The following ZFAT variants were observed in gnomAD, a reference collection of about 807,000 sequenced individuals.
ZFAT encodes zinc finger and AT-hook domain containing.
In ZFAT, 64 loss-of-function variants were observed where a neutral mutation model predicts 117.7. That is an observed-to-expected ratio of 0.54 (90% CI 0.44 to 0.67). The LOEUF (loss-of-function observed/expected upper bound fraction) is 0.67. Ranked by LOEUF, ZFAT falls within the 30% of genes least tolerant of loss-of-function variation. The probability of loss-of-function intolerance (pLI) is 0.00; values close to 1 mark genes in which losing one functional copy is unlikely to be tolerated. For synonymous variants in ZFAT, 679 were observed against 615.0 expected (o/e 1.10, Z -1.54); for missense variants, 1,433 against 1,584.5 (o/e 0.90, Z 1.62).
At chr8:134,570,306 T>A (rs1824798100) in intron 10 of ZFAT, among the ~76,000 whole-genome samples, 1 of 152,254 alleles carries the variant, frequency 6.6e-6, no homozygotes, top group Non-Finnish European at 1.5e-5. Context: ...AGCCTATATT[T>A]TCATACTGAA....
At chr8:134,615,954 T>A (rs1828699506) in intron 3 of ZFAT, among the ~76,000 whole-genome samples, 1 of 152,192 alleles carries the variant, frequency 6.6e-6, no homozygotes, top group African/African-American at 2.4e-5. Context: ...AGAACACGCA[T>A]GCTCGCTCAG....
At chr8:134,625,733 A>C (rs933511130) in intron 3 of ZFAT, among the ~76,000 whole-genome samples, 2 of 152,234 alleles carry the variant, frequency 1.3e-5, no homozygotes, top group Non-Finnish European at 2.9e-5. Context: ...GACTTTAGCC[A>C]ATCTCCCTGT....
intron 15 of ZFAT, among the ~76,000 whole-genome samples, chr8:134,484,752 A>G (rs1817552383): frequency 6.6e-6 from 1 of 152,214 alleles, no homozygotes; most frequent in Non-Finnish European, 1.5e-5. Flanking sequence ...GGCGAACGCC[A>G]AGTAGATTTT....
the ZFAT span, among the ~76,000 whole-genome samples, chr8:134,760,055 C>G: frequency 6.8e-6 from 1 of 147,654 alleles, no homozygotes; most frequent in Non-Finnish European, 1.5e-5. Context: ...CCAAGGCGGG[C>G]GGATCACAAG....
the ZFAT span, among the ~76,000 whole-genome samples, chr8:134,802,320 C>G: frequency 3.3e-5 from 5 of 152,238 alleles, no homozygotes; most frequent in East Asian, 5.8e-4. Flanking sequence ...GCACACACAG[C>G]AAATAATGCA....
the ZFAT span, among the ~76,000 whole-genome samples, chr8:134,806,578 T>C: frequency 2.7e-4 from 41 of 152,316 alleles, no homozygotes; most frequent in Non-Finnish European, 4.9e-4. Context: ...ATAAACCAGT[T>C]ACCACAAGTC....
intron 1 of ZFAT, among the ~76,000 whole-genome samples, chr8:134,677,140 T>A (rs966441576): frequency 1.3e-5 from 2 of 149,668 alleles, no homozygotes; most frequent in Non-Finnish European, 3.0e-5. Context: ...TTCAAAAAAA[T>A]CAATGAATCC....
intron 1 of ZFAT, among the ~76,000 whole-genome samples, chr8:134,674,536 G>A (rs1242187388): frequency 6.6e-6 from 1 of 152,222 alleles, no homozygotes; most frequent in East Asian, 1.9e-4. Flanking sequence ...AGCACCTGTG[G>A]GAAGGGGCAG....
chr8:134,623,323 C>A (rs2131031067), intron 3 of ZFAT, among the ~76,000 whole-genome samples: 3 of 152,346 alleles, frequency 2.0e-5, no homozygotes, highest in Middle Eastern at 6.8e-3. Context: ...CCTGTGGGGG[C>A]CTCAGGAGGC....
chr8:134,571,238 G>C (rs1396944755), intron 10 of ZFAT, among the ~76,000 whole-genome samples: 3 of 152,234 alleles, frequency 2.0e-5, no homozygotes, highest in African/African-American at 7.2e-5. Context: ...TGGAGCATGA[G>C]GGAGTGTGGA....
intron 12 of ZFAT, among the ~76,000 whole-genome samples, chr8:134,530,677 C>A (rs1821339182): frequency 6.6e-6 from 1 of 151,826 alleles, no homozygotes; most frequent in African/African-American, 2.4e-5. Flanking sequence ...AATGCTACAT[C>A]TATATATATA....
chr8:134,641,158 A>G (rs1830556784), intron 2 of ZFAT, among the ~76,000 whole-genome samples: 1 of 151,900 alleles, frequency 6.6e-6, no homozygotes, highest in Non-Finnish European at 1.5e-5. Context: ...GTTCTGGATG[A>G]TTTTGCCCAC....
intron 15 of ZFAT, among the ~76,000 whole-genome samples, chr8:134,494,275 C>T (rs1197250037): frequency 6.6e-6 from 1 of 152,256 alleles, no homozygotes; most frequent in Non-Finnish European, 1.5e-5. Flanking sequence ...TTCCTTTGTA[C>T]ATTTCCACCT....
At chr8:134,711,671 G>C (rs2131373320) in intron 1 of ZFAT, among the ~76,000 whole-genome samples, 1 of 152,226 alleles carries the variant, frequency 6.6e-6, no homozygotes, top group South Asian at 2.1e-4. Context: ...ATATAGTTCG[G>C]GTCTCCTGAC....
At chr8:134,795,522 G>C in the ZFAT span, 1 of 152,204 alleles carries the variant, frequency 6.6e-6, no homozygotes, top group South Asian at 2.1e-4. Context: ...AAAACTCAAA[G>C]AGCCGATAGA....
the ZFAT span, among the ~76,000 whole-genome samples, chr8:134,831,128 C>T: frequency 2.0e-5 from 3 of 152,216 alleles, no homozygotes; most frequent in Admixed American, 6.5e-5. Flanking sequence ...ACTGCTTGGG[C>T]ATATCAAGTA....
At chr8:134,612,991 A>G (rs547364819) in intron 3 of ZFAT, among the ~76,000 whole-genome samples, 2 of 152,352 alleles carry the variant, frequency 1.3e-5, no homozygotes, top group East Asian at 3.9e-4. Context: ...AGGTCTACAA[A>G]TTGTCTGAGT....
At chr8:134,698,200 C>T (rs1197975600) in intron 1 of ZFAT, among the ~76,000 whole-genome samples, 2 of 151,956 alleles carry the variant, frequency 1.3e-5, no homozygotes, top group Non-Finnish European at 2.9e-5. Context: ...GTGGCAGATG[C>T]CTGTAGTCCC....
Position 134,637,537 on chromosome 8 carries a change from C to A in ZFAT, c.372G>T (p.Lys124Asn), listed in dbSNP as rs772840251. 2.1e-5 allele frequency: 34 copies of A among 1,614,130 alleles called. No individual in the cohort carries two copies. Among genetic ancestry groups the A allele is most frequent in the Non-Finnish European group, 2.6e-5 (31 of 1,180,048 alleles). ...SSLECSKCCR[K>N]FSNTRQLRKH... ...TCCGCAGCTGGCGCGTGTTGGAGAA[C>A]TTCCGACAGCACTTGCTACACTCCA... The change falls in exon 3 of 16, where the codon AAG (lysine) becomes AAT (asparagine). Residue 124 changes from lysine to asparagine, a missense_variant. Physicochemically the swap from Lys to Asn is moderately conservative, Grantham distance 94 (BLOSUM62 0). Transcript: ENST00000377838.
Sources: gnomAD v4.1 joint callset for allele counts (sites outside exome capture counted in the v4.1 genomes callset) on GRCh38, gnomAD v4.1.1 for gene constraint, MANE v1.5 for transcripts, NCBI Gene and HGNC (gene_info 2026-07-23, HGNC 2026-07-21) for gene names.